The following GAD2 variants were observed in gnomAD, a reference collection of about 807,000 sequenced individuals.
GAD2 encodes glutamate decarboxylase 2, also known as 65 kDa glutamic acid decarboxylase.
Under a neutral mutation model 80.1 loss-of-function variants are expected in GAD2, and 22 were observed. The ratio of observed to expected loss-of-function variants is 0.27; its 90% CI spans 0.20 to 0.39. The LOEUF (loss-of-function observed/expected upper bound fraction) is 0.39, where lower values mean the gene tolerates loss of function less well. Ranked by LOEUF, GAD2 falls within the 10% of genes least tolerant of loss-of-function variation. GAD2 has a pLI of 1.00. For missense variants in GAD2, 624 were observed against 738.4 expected (o/e 0.85, Z 1.80); for synonymous variants, 274 against 256.9 (o/e 1.07, Z -0.64).
chr10:26,262,454 CTCTT>C (rs1186046616), intron 8 of GAD2, among the ~76,000 whole-genome samples: 1 of 151,606 alleles, frequency 6.6e-6, no homozygotes, highest in Non-Finnish European at 1.5e-5. Flanking sequence ...TACGTTTTCT[CTCTT>C]TTATTTATTG....
At chr10:26,224,720 A>T in intron 6 of GAD2, 69 bp downstream of exon 6, 1 of 1,147,340 alleles carries the variant, frequency 8.7e-7, no homozygotes, top group Non-Finnish European at 1.3e-6. Flanking sequence ...AAACCTAGGG[A>T]AGATTAAAAA....
Position 26,217,882 on chromosome 10 carries a change from C to T in GAD2, c.177C>T (p.Gly59=). 1 of 1,606,466 alleles carries T rather than the reference C, an allele frequency of 6.2e-7. No individual in the cohort carries two copies. Among genetic ancestry groups the T allele is most frequent in the Non-Finnish European group, 8.5e-7 (1 of 1,176,732 alleles). The change falls in exon 3 of 16, where the codon GGC becomes GGT. Residue 59 remains glycine (G), a synonymous_variant. Coordinates refer to ENST00000376261, the MANE Select transcript of GAD2 (RefSeq NM_001134366.2). This position sits in a 1 kb window ranked among gnomAD's most constrained non-coding sequence, Gnocchi z 4.9. ...YGDAEKPAES[G]GSQPPRAAAR... is the part of the protein sequence containing the mutation. ...ACGCCGAGAAGCCGGCGGAGAGCGG[C>T]GGGAGCCAACCCCCGCGGGCCGCCG... is the stretch of plus-strand genomic sequence containing the variant.
intron 4 of GAD2, among the ~76,000 whole-genome samples, chr10:26,220,935 A>G (rs6482538): frequency 0.22 from 33,178 of 152,184 alleles, 7,011 homozygotes; most frequent in African/African-American, 0.56. Context: ...CATAATGCTT[A>G]TGAAACTGTT....
At chr10:26,283,283 G>A (rs1172116108) in intron 12 of GAD2, among the ~76,000 whole-genome samples, 10 of 152,224 alleles carry the variant, frequency 6.6e-5, no homozygotes, top group Admixed American at 2.0e-4. Flanking sequence ...GGGAGGTAGA[G>A]TAAATGTGTG....
At chr10:26,236,073 CA>C (rs2132280418) in intron 7 of GAD2, among the ~76,000 whole-genome samples, 1 of 152,264 alleles carries the variant, frequency 6.6e-6, no homozygotes, top group African/African-American at 2.4e-5. Flanking sequence ...GGCTTCGACC[CA>C]CTTCTGTGGG....
In GAD2 at chr10:26,292,380, C is replaced by T. The variant is rs537418652; in HGVS notation, c.1387-85C>T. On this transcript the variant is annotated intron_variant, in intron 13 of 15. Transcript: ENST00000376261. ...GTGCCAGACGGGGCTAAGACAGAGACGGCAGGATGACGGTCAGTCTCCAGG... is the reference window on the plus strand; with the variant it reads ...GTGCCAGACGGGGCTAAGACAGAGATGGCAGGATGACGGTCAGTCTCCAGG... 1.1e-4 allele frequency: 112 copies of T among 974,920 alleles called. No individual in the cohort carries two copies. In the South Asian group the frequency reaches 1.4e-3, roughly 12 times the overall value. 60.4% of individuals were successfully genotyped at this position (974,920 alleles called of 1,614,324 possible).
Position 26,273,648 on chromosome 10 carries a change from G to A in GAD2, c.1105G>A (p.Gly369Arg), listed in dbSNP as rs1289575575. Residue 369 changes from glycine (G) to arginine (R), a missense_variant, in exon 11 of 16, where the codon GGG becomes AGG. Physicochemically the swap from Gly to Arg is moderately radical, Grantham distance 125. Transcript: ENST00000376261. ...GATTTTTTTTCAGGCAGCTTGGGGT[G>A]GGGGATTACTGATGTCCCGAAAACA... Reference protein sequence around the residue: ...IWMHVDAAWGGGLLMSRKHKW... With the variant: ...IWMHVDAAWGRGLLMSRKHKW... 1 of 1,613,266 alleles carries A rather than the reference G, an allele frequency of 6.2e-7. No homozygotes were observed. The highest frequency in any genetic ancestry group is 8.5e-7 in the Non-Finnish European group (1 of 1,179,738).
intron 8 of GAD2, among the ~76,000 whole-genome samples, chr10:26,253,615 A>G (rs764125726): frequency 3.9e-5 from 6 of 152,230 alleles, no homozygotes; most frequent in Non-Finnish European, 7.3e-5. Flanking sequence ...TTCCTATATG[A>G]TGGAAGTGAG....
intron 7 of GAD2, among the ~76,000 whole-genome samples, chr10:26,231,075 G>C (rs1589138549): frequency 6.6e-6 from 1 of 152,164 alleles, no homozygotes; most frequent in Admixed American, 6.5e-5. Context: ...GGGCAACAGA[G>C]CCACACTCCA....
chr10:26,297,862 T>G (rs923674672), intron 15 of GAD2, among the ~76,000 whole-genome samples: 6 of 152,174 alleles, frequency 3.9e-5, no homozygotes, highest in African/African-American at 1.4e-4. Context: ...GGGGGAAAGC[T>G]ATCCATATTT....
chr10:26,262,585 T>C (rs1845022125), intron 8 of GAD2, among the ~76,000 whole-genome samples: 1 of 152,154 alleles, frequency 6.6e-6, no homozygotes, highest in Non-Finnish European at 1.5e-5. Context: ...TTGTTTCTGC[T>C]TACACTGTTG....
In GAD2 at chr10:26,229,774, A is replaced by C; in HGVS notation, c.837A>C (p.Glu279Asp). The part of the protein sequence containing the change: ...ALPRLIAFTS[E>D]HSHFSLKKGA... ...CCAGGCTCATTGCCTTCACGTCTGA[A>C]CATGTATGTGTTTCTTTTCCTTGCA... is the stretch of plus-strand genomic sequence containing the variant. The change falls in exon 7 of 16, where the codon GAA becomes GAC. Residue 279 changes from glutamate (E) to aspartate (D), a missense_variant. Coordinates refer to ENST00000376261, the MANE Select transcript of GAD2 (RefSeq NM_001134366.2). 1 of 1,606,402 alleles carries C rather than the reference A, an allele frequency of 6.2e-7. No homozygotes were observed. Among genetic ancestry groups the C allele is most frequent in the Non-Finnish European group, 8.5e-7 (1 of 1,173,152 alleles).
chr10:26,216,440 GT>G (rs1288573065), upstream of GAD2: 1 of 172,854 alleles, frequency 5.8e-6, no homozygotes, highest in East Asian at 1.7e-4. This position sits in a 1 kb window ranked among gnomAD's most constrained non-coding sequence, Gnocchi z 4.7. Context: ...CCTCTCTCGT[GT>G]TTTTTTCCTC....
chr10:26,239,856 CA>C (rs1260172969), intron 7 of GAD2, among the ~76,000 whole-genome samples: 1 of 152,098 alleles, frequency 6.6e-6, no homozygotes, highest in African/African-American at 2.4e-5. Flanking sequence ...CACAGAAGAC[CA>C]GGAAAGCCAA....
chr10:26,257,025 G>A (rs999764132), intron 8 of GAD2, among the ~76,000 whole-genome samples: 10 of 151,708 alleles, frequency 6.6e-5, no homozygotes, highest in African/African-American at 2.4e-4. Context: ...TTGTCTTTTT[G>A]TTCTCTCTCT....
chr10:26,229,366 T>C (rs1193949389), intron 6 of GAD2, among the ~76,000 whole-genome samples: 1 of 151,998 alleles, frequency 6.6e-6, no homozygotes, highest in Admixed American at 6.6e-5. Flanking sequence ...CAAGCTGGGA[T>C]GGAGGCAAAC....
chr10:26,286,371 G>A lies in GAD2; in HGVS notation c.1263G>A (p.Met421Ile). Residue 421 changes from methionine to isoleucine, a missense_variant, in exon 13 of 16, where the codon ATG becomes ATA. Met to Ile is a conservative substitution (Grantham distance 10, BLOSUM62 1). Transcript: ENST00000376261. Reference protein sequence around the residue: ...EEGLMQNCNQMHASYLFQQDK... With the variant: ...EEGLMQNCNQIHASYLFQQDK... ...GATTGATGCAGAATTGCAACCAAAT[G>A]CATGCCTCCTACCTCTTTCAGCAAG... 4 of 1,613,612 alleles carry A rather than the reference G, an allele frequency of 2.5e-6. No individual in the cohort carries two copies. The highest frequency in any genetic ancestry group is 3.4e-6 in the Non-Finnish European group (4 of 1,179,824).
At chr10:26,238,005 GACAC>G (rs58551669) in intron 7 of GAD2, among the ~76,000 whole-genome samples, 20,999 of 118,020 alleles carry the variant, frequency 0.18, 1,636 homozygotes, top group East Asian at 0.34. Context: ...CCATCACACA[GACAC>G]ACACACACAC....
At chr10:26,239,666 T>C (rs1844716823) in intron 7 of GAD2, among the ~76,000 whole-genome samples, 1 of 152,176 alleles carries the variant, frequency 6.6e-6, no homozygotes, top group African/African-American at 2.4e-5. Flanking sequence ...GTGATGAGAT[T>C]AGGGTGGTAG....
Sources: allele counts gnomAD v4.1 joint callset (sites outside exome capture counted in the v4.1 genomes callset), GRCh38; gene constraint gnomAD v4.1.1; non-coding constraint Gnocchi (gnomAD v3.1); transcripts MANE v1.5; gene names NCBI Gene and HGNC (gene_info 2026-07-23, HGNC 2026-07-21).